Variants in STKLD1 observed in about 807,000 individuals in gnomAD.
The protein encoded by STKLD1 is serine/threonine kinase-like domain-containing protein STKLD1.
A neutral mutation model predicts 80.4 loss-of-function variants in STKLD1; 79 were observed. That is an observed-to-expected ratio of 0.98 (90% confidence interval 0.82 to 1.19). STKLD1 has a LOEUF of 1.19. Ranked by LOEUF, STKLD1 falls within the 50% of genes most tolerant of loss-of-function variation. STKLD1 has a pLI of 0.00. For missense variants in STKLD1, 841 were observed against 856.0 expected (o/e 0.98, Z 0.22); for synonymous variants, 393 against 357.6 (o/e 1.10, Z -1.12).
In STKLD1 at chr9:133,376,523, GCCCAGGGTCC is replaced by G; in HGVS notation, c.54_63del (p.Gly19GlufsTer13). The G allele has an allele frequency of 6.2e-7, 1 of 1,601,772 alleles. No individual in the cohort carries two copies. The highest frequency in any genetic ancestry group is 8.5e-7 in the Non-Finnish European group (1 of 1,175,842). ...AGGCGCCCCACGCAGGGGGAGCGAG[GCCCAGGGTCC>G]CCCGGAGAGCCCATGGAGAAGTACC... On this transcript the variant is annotated frameshift_variant, in exon 1 of 18. Transcript: ENST00000371957. LOFTEE classifies it high-confidence loss of function.
intron 1 of STKLD1, 96 bp from the exon 2 acceptor site, chr9:133,378,940 G>T: frequency 1.9e-6 from 2 of 1,056,518 alleles, no homozygotes; most frequent in East Asian, 2.5e-5. Flanking sequence ...GCCTGACAGG[G>T]GAGTTAGCAG....
chr9:133,385,743 G>A lies in STKLD1; in HGVS notation c.294+52G>A. ...TCAGCCGCCACGCAGTGGGCTGCAG[G>A]ACCAAGCAGACTGAGCCCAGAGCAC... On this transcript the variant is annotated intron_variant, in intron 4 of 17. Coordinates refer to ENST00000371957, the MANE Select transcript of STKLD1 (RefSeq NM_153710.5). The surrounding 1 kb of genome is among the most constrained non-coding windows in gnomAD (Gnocchi z 4.9). The A allele has an allele frequency of 6.5e-7, 1 of 1,543,758 alleles. No individual in the cohort carries two copies. The highest frequency in any genetic ancestry group is 1.4e-5 in the African/African-American group (1 of 73,646).
At chr9:133,392,138 G>A (rs900315689) in intron 7 of STKLD1, among the ~76,000 whole-genome samples, 4 of 149,914 alleles carry the variant, frequency 2.7e-5, no homozygotes, top group African/African-American at 4.9e-5. Flanking sequence ...ATGCAGTAGC[G>A]CAATCTCGGC....
Position 133,383,874 on chromosome 9 carries a change from C to T in STKLD1, c.193C>T (p.His65Tyr), listed in dbSNP as rs2130271273. ...VIKQVECMDD[H>Y]YASQALEELM... ...CTTGCAGGTGGAATGCATGGATGAC[C>T]ATTACGCCAGTCAGGCCCTGGAGGA... The change falls in exon 3 of 18, where the codon CAT becomes TAT. Residue 65 changes from histidine (H) to tyrosine (Y), a missense_variant. Physicochemically the swap from His to Tyr is moderately conservative, Grantham distance 83 (BLOSUM62 2). Coordinates refer to ENST00000371957, the MANE Select transcript of STKLD1 (RefSeq NM_153710.5). 1 of 1,613,974 alleles carries T rather than the reference C, an allele frequency of 6.2e-7. No individual in the cohort carries two copies. The highest frequency in any genetic ancestry group is 1.7e-5 in the Admixed American group (1 of 59,984).
chr9:133,386,468 G>GCCTGTGCGCC (rs1838267463), intron 4 of STKLD1, among the ~76,000 whole-genome samples: 1 of 152,222 alleles, frequency 6.6e-6, no homozygotes, highest in Non-Finnish European at 1.5e-5. Context: ...GCCGTCCTGG[G>GCCTGTGCGCC]CCTGTGCGCC....
At chr9:133,397,055 C>T (rs1360931240) in intron 9 of STKLD1, 109 bp from the exon 10 acceptor site, 5 of 1,482,230 alleles carry the variant, frequency 3.4e-6, no homozygotes, top group Admixed American at 1.9e-5. Context: ...GTTCAGTGTC[C>T]AGTGTCCGCA....
rs782782776 is a variant in STKLD1, at chr9:133,400,458, T to C, written c.1127T>C (p.Met376Thr). 2.5e-6 allele frequency: 4 copies of C among 1,611,030 alleles called. No individual in the cohort carries two copies. The highest frequency in any genetic ancestry group is 1.3e-5 in the African/African-American group (1 of 74,852). ...PELVEVVVTT[M>T]ELHDRVLDVQ... ...CTGGTGGAGGTGGTGGTCACGACCATGGAGCTACATGACAGGGTCCTCGAT... is the reference window on the plus strand; with the variant it reads ...CTGGTGGAGGTGGTGGTCACGACCACGGAGCTACATGACAGGGTCCTCGAT... Residue 376 changes from methionine to threonine, a missense_variant, in exon 12 of 18, where the codon ATG (methionine) becomes ACG (threonine). By Grantham distance (81) the Met-to-Thr change is moderately conservative (BLOSUM62 -1). Transcript: ENST00000371957.
At position 133,384,284 on chromosome 9, in the gene STKLD1, C is replaced by CA. The variant is rs1838216736; in HGVS notation, c.219+391dup. The CA allele has an allele frequency of 1.7e-5, 3 of 181,392 alleles. No individual in the cohort carries two copies. The highest frequency in any genetic ancestry group is 1.5e-4 in the East Asian group (1 of 6,722). 11.2% of individuals were successfully genotyped at this position (181,392 alleles called of 1,614,324 possible). Reference sequence around the variant, plus strand: ...GGAAACCCTGTCTCAACCAAAAATACAAAAAAATTAGCTGGGCATGGTGGT... The same window carrying CA: ...GGAAACCCTGTCTCAACCAAAAATACAAAAAAAATTAGCTGGGCATGGTGGT... On this transcript the variant is annotated intron_variant, in intron 3 of 17. Coordinates refer to ENST00000371957, the MANE Select transcript of STKLD1 (RefSeq NM_153710.5). The surrounding 1 kb of genome is among the most constrained non-coding windows in gnomAD (Gnocchi z 4.3).
rs28510482 is a variant in STKLD1, at chr9:133,403,788, A to T, written c.1563A>T (p.Ala521=). The change falls in exon 15 of 18, where the codon GCA becomes GCT. Residue 521 remains alanine, a synonymous_variant. Coordinates refer to ENST00000371957, the MANE Select transcript of STKLD1 (RefSeq NM_153710.5). Reference sequence around the variant, plus strand: ...CCTACCCTGCGGATGGGGAAATGGCAGAAGCCAGCTGCGGAGTCTTCTGGC... The same window carrying T: ...CCTACCCTGCGGATGGGGAAATGGCTGAAGCCAGCTGCGGAGTCTTCTGGC... ...LATYPADGEM[A]EASCGVFWLL... The T allele has an allele frequency of 6.2e-7, 1 of 1,613,278 alleles. No individual in the cohort carries two copies. Among genetic ancestry groups the T allele is most frequent in the Non-Finnish European group, 8.5e-7 (1 of 1,179,768 alleles).
chr9:133,386,072 T>A (rs2130276580), intron 4 of STKLD1, among the ~76,000 whole-genome samples: 1 of 152,036 alleles, frequency 6.6e-6, no homozygotes, highest in East Asian at 1.9e-4. Context: ...GCGCGTGCCA[T>A]GATGCCCGGC....
chr9:133,395,502 C>T (rs1431072587), intron 8 of STKLD1, 98 bp from the exon 9 acceptor site: 3 of 1,372,350 alleles, frequency 2.2e-6, no homozygotes, highest in East Asian at 2.3e-5. Flanking sequence ...CCCTGGTCTC[C>T]TCCTGGATTT....
intron 1 of STKLD1, among the ~76,000 whole-genome samples, chr9:133,377,270 A>AG (rs1261368791): frequency 6.6e-6 from 1 of 152,174 alleles, no homozygotes; most frequent in African/African-American, 2.4e-5. Flanking sequence ...GGAAAAAAAA[A>AG]TAGACTTGAT....
intron 2 of STKLD1, among the ~76,000 whole-genome samples, chr9:133,383,341 GTGA>G (rs1838191561): frequency 3.9e-5 from 1 of 25,696 alleles, no homozygotes; most frequent in African/African-American, 1.4e-4. Flanking sequence ...GATGGTGATG[GTGA>G]TGATGGTAAT....
Position 133,389,216 on chromosome 9 carries a change from A to G in STKLD1, c.397-310A>G. 1.0e-6 allele frequency: 1 copy of G among 985,318 alleles called. No individual in the cohort carries two copies. Among genetic ancestry groups the G allele is most frequent in the Non-Finnish European group, 1.2e-6 (1 of 829,890 alleles). 61.0% of individuals were successfully genotyped at this position (985,318 alleles called of 1,614,324 possible). On this transcript the variant is annotated intron_variant, in intron 5 of 17. Transcript: ENST00000371957. The surrounding 1 kb of genome is among the most constrained non-coding windows in gnomAD (Gnocchi z 6.4). Reference sequence around the variant, plus strand: ...GCCGATCTGCCTTCAGCTCCCAGCAAGTGTGGGGCAGCGCGGGCCACAGAG... The same window carrying G: ...GCCGATCTGCCTTCAGCTCCCAGCAGGTGTGGGGCAGCGCGGGCCACAGAG...
In STKLD1 at chr9:133,403,561, C is replaced by A. The variant is rs1230977384; in HGVS notation, c.1475-139C>A. 5 of 1,109,692 alleles carry A rather than the reference C, an allele frequency of 4.5e-6. No individual in the cohort carries two copies. In the African/African-American group the frequency reaches 7.8e-5, roughly 17 times the overall value. The allele number at this position is 1,109,692 out of a possible 1,614,324, so 68.7% of individuals were successfully genotyped here. On this transcript the variant is annotated intron_variant, in intron 14 of 17. Transcript: ENST00000371957. ...CTCCTGGGCTAACCCCTGCACCCGT[C>A]TCTGAGGACAGTTGACCTTTCCCAC...
At chr9:133,378,704 C>G (rs1229176174) in intron 1 of STKLD1, among the ~76,000 whole-genome samples, 1 of 152,240 alleles carries the variant, frequency 6.6e-6, no homozygotes, top group African/African-American at 2.4e-5. Context: ...AAGTTGAGGT[C>G]ACAGAGGTCT....
At chr9:133,386,044 G>C (rs932205450) in intron 4 of STKLD1, among the ~76,000 whole-genome samples, 1 of 151,864 alleles carries the variant, frequency 6.6e-6, no homozygotes, top group Admixed American at 6.6e-5. Flanking sequence ...TCAGCCTCCC[G>C]AGTAGCCAGG....
chr9:133,383,593 T>A (rs1026067876), intron 2 of STKLD1, among the ~76,000 whole-genome samples: 6 of 150,318 alleles, frequency 4.0e-5, no homozygotes, highest in Admixed American at 6.6e-5. Flanking sequence ...GTGTTGATGG[T>A]GGTGGTGATG....
In STKLD1 at chr9:133,395,811, A is replaced by G; in HGVS notation, c.866+48A>G. 1.3e-6 allele frequency: 2 copies of G among 1,581,432 alleles called. 1 individual carries two copies. The highest frequency in any genetic ancestry group is 2.7e-5 in the African/African-American group (2 of 74,402). On this transcript the variant is annotated intron_variant, in intron 9 of 17. Coordinates refer to ENST00000371957, the MANE Select transcript of STKLD1 (RefSeq NM_153710.5). ...TTTTAACCTGTGGATTTATCTTTCA[A>G]CATCTCTCCACCCTAATACAAGCAC...
Sources: allele counts gnomAD v4.1 joint callset (sites outside exome capture counted in the v4.1 genomes callset), GRCh38; gene constraint gnomAD v4.1.1; non-coding constraint Gnocchi (gnomAD v3.1); transcripts MANE v1.5; gene names NCBI Gene and HGNC (gene_info 2026-07-23, HGNC 2026-07-21).